BRF1: variants seen among roughly 807,000 people sequenced by gnomAD.
BRF1 encodes the protein BRF1 general transcription factor IIIB subunit, also known as transcription factor IIIB 90 kDa subunit.
A neutral mutation model predicts 81.7 loss-of-function variants in BRF1; 59 were observed. That is an observed-to-expected ratio of 0.72 (90% confidence interval 0.59 to 0.90). The LOEUF is 0.90. BRF1 is among the 40% of genes least tolerant of loss of function. The probability of loss-of-function intolerance (pLI) is 0.00; values close to 1 mark genes in which losing one functional copy is unlikely to be tolerated. For synonymous variants in BRF1, 491 were observed against 395.6 expected (o/e 1.24, Z -2.86); for missense variants, 1,050 against 936.3 (o/e 1.12, Z -1.58).
rs1889872697 is a variant in BRF1, at chr14:105,209,812, C to T, written c.*739G>A. 1 of 513,608 alleles carries T rather than the reference C, an allele frequency of 1.9e-6. No individual in the cohort carries two copies. The highest frequency in any genetic ancestry group is 3.4e-6 in the Non-Finnish European group (1 of 292,672). 31.8% of individuals were successfully genotyped at this position (513,608 alleles called of 1,614,324 possible). Reference sequence around the variant, plus strand: ...GGTCTCAGCTGTCGGGCACTCAGTTCACCTGCCGGCAGCCGCAGGGCTCCT... The same window carrying T: ...GGTCTCAGCTGTCGGGCACTCAGTTTACCTGCCGGCAGCCGCAGGGCTCCT... On this transcript the variant is annotated 3_prime_UTR_variant, in exon 18 of 18. Transcript: ENST00000547530.
chr14:105,305,027 G>A (rs2058146200), upstream of BRF1, among the ~76,000 whole-genome samples: 1 of 152,216 alleles, frequency 6.6e-6, no homozygotes, highest in Admixed American at 6.5e-5. Flanking sequence ...TTGCCCCAAG[G>A]CGATGGTTTT....
chr14:105,216,454 C>T (rs587678431), intron 15 of BRF1, among the ~76,000 whole-genome samples: 1 of 152,206 alleles, frequency 6.6e-6, no homozygotes, highest in South Asian at 2.1e-4. Context: ...TAGGAATGCA[C>T]CCCCAGAGGA....
At chr14:105,214,525 CGTGGCTCAGCTGCCCACACCCCTGA>C (rs1566795296) in intron 15 of BRF1, among the ~76,000 whole-genome samples, 5 of 58,386 alleles carry the variant, frequency 8.6e-5, no homozygotes, top group Non-Finnish European at 1.7e-4. Flanking sequence ...CACACCCCTG[CGTGGCTCAGCTGCCCACACCCCTGA>C]GTGGCCCAGC....
At chr14:105,213,730 C>T (rs968489024) in intron 15 of BRF1, among the ~76,000 whole-genome samples, 5 of 152,178 alleles carry the variant, frequency 3.3e-5, no homozygotes, top group Non-Finnish European at 7.3e-5. Flanking sequence ...TTTCCAGAAC[C>T]AGGAAGCAGC....
chr14:105,277,976 G>A (rs587672909), intron 2 of BRF1, among the ~76,000 whole-genome samples: 59 of 152,210 alleles, frequency 3.9e-4, no homozygotes, highest in African/African-American at 1.3e-3. Flanking sequence ...GGATGGTCTC[G>A]AACTCCTGAC....
chr14:105,298,050 T>G (rs587745840), intron 1 of BRF1, among the ~76,000 whole-genome samples: 47 of 152,326 alleles, frequency 3.1e-4, no homozygotes, highest in African/African-American at 1.1e-3. Context: ...TTTTTGAGTA[T>G]CAACACGATG....
chr14:105,301,146 G>A (rs979716261), upstream of BRF1: 5 of 152,908 alleles, frequency 3.3e-5, no homozygotes, highest in East Asian at 5.8e-4. Flanking sequence ...GGCTGGCGAC[G>A]GGACCCAAGG....
At chr14:105,279,241 G>T (rs1167387433) in intron 2 of BRF1, among the ~76,000 whole-genome samples, 1 of 152,096 alleles carries the variant, frequency 6.6e-6, no homozygotes, top group East Asian at 1.9e-4. Context: ...GTTTCTGTTC[G>T]TCAAAAGACA....
chr14:105,218,494 C>T (rs1225673339), intron 14 of BRF1, among the ~76,000 whole-genome samples: 2 of 152,198 alleles, frequency 1.3e-5, no homozygotes, highest in Non-Finnish European at 2.9e-5. Context: ...ACCCCAGTCT[C>T]GCAGGCAGGG....
At chr14:105,218,931 A>C in intron 14 of BRF1, 67 bp downstream of exon 14, 2 of 1,602,428 alleles carry the variant, frequency 1.2e-6, no homozygotes, top group African/African-American at 1.3e-5. Context: ...GGGACATTCC[A>C]GAGACATTTG....
At chr14:105,248,259 A>C in intron 5 of BRF1, 1 of 985,440 alleles carries the variant, frequency 1.0e-6, no homozygotes, top group Non-Finnish European at 1.2e-6. Flanking sequence ...CCGCGGCCAG[A>C]GGCAGACTCC....
At chr14:105,272,303 C>T (rs587596086) in intron 3 of BRF1, among the ~76,000 whole-genome samples, 1 of 152,350 alleles carries the variant, frequency 6.6e-6, no homozygotes, top group Non-Finnish European at 1.5e-5. Context: ...TCACGGTGTC[C>T]ACAGCTGCAG....
At chr14:105,243,611 AAGAG>A (rs1361972574) in intron 5 of BRF1, among the ~76,000 whole-genome samples, 3 of 151,678 alleles carry the variant, frequency 2.0e-5, no homozygotes, top group Non-Finnish European at 4.4e-5. Context: ...GAAAAAAAAA[AAGAG>A]AGAGAAAGAA....
rs1250556239 is a variant in BRF1 at position 105,211,138 on chromosome 14, C to T, written c.1980G>A (p.Gln660=). The T allele has an allele frequency of 4.3e-6, 7 of 1,612,716 alleles. No individual in the cohort carries two copies. Among genetic ancestry groups the T allele is most frequent in the Non-Finnish European group, 5.9e-6 (7 of 1,179,942 alleles). The change falls in exon 17 of 18, where the codon CAG becomes CAA. Residue 660 remains glutamine, a synonymous_variant. Coordinates refer to ENST00000547530, the MANE Select transcript of BRF1 (RefSeq NM_001519.4). ...CCCACCCACCGTTGCTGCCCATCAT[C>T]TGCAGGGCACTGACGCAGGGCTCCC... ...EDGEPCVSAL[Q]MMGSNDYGCD...
At chr14:105,212,213 C>T in intron 15 of BRF1, 49 bp from the exon 16 acceptor site, 1 of 1,586,250 alleles carries the variant, frequency 6.3e-7, no homozygotes, top group Non-Finnish European at 8.6e-7. Flanking sequence ...CTCCCGAACG[C>T]CTGCCCACTT....
chr14:105,309,367 A>C lies in BRF1; in HGVS notation c.-162+5955T>G, dbSNP rs1241438649. On this transcript the variant is annotated intron_variant, in intron 1 of 17. Coordinates refer to the BRF1 transcript ENST00000327359. This position sits in a 1 kb window ranked among gnomAD's most constrained non-coding sequence, Gnocchi z 4.0. ...CAATCACATATCTGAGAATTTCCCCATGTTGCTAAAACTGAGGCAGCGTTC... is the reference window on the plus strand; with the variant it reads ...CAATCACATATCTGAGAATTTCCCCCTGTTGCTAAAACTGAGGCAGCGTTC... Among the ~76,000 whole-genome samples the C allele has an allele frequency of 2.0e-5, 3 of 152,134 alleles. No homozygotes were observed. Among genetic ancestry groups the C allele is most frequent in the Admixed American group, 2.0e-4 (3 of 15,284 alleles).
intron 1 of BRF1, among the ~76,000 whole-genome samples, chr14:105,295,590 A>AGCAGGG (rs1028475782): frequency 6.6e-6 from 1 of 151,366 alleles, no homozygotes; most frequent in Non-Finnish European, 1.5e-5. Flanking sequence ...GTGACTGAGC[A>AGCAGGG]AGACCCTAGA....
In BRF1 at chr14:105,221,676, T is replaced by C. The variant is rs1056723180; in HGVS notation, c.1287A>G (p.Glu429=). 2 of 1,611,528 alleles carry C rather than the reference T, an allele frequency of 1.2e-6. No individual in the cohort carries two copies. Among genetic ancestry groups the C allele is most frequent in the Admixed American group, 1.7e-5 (1 of 59,948 alleles). ...ASLGISDSIR[E]CISSQSSDPK... The stretch of plus-strand genomic sequence containing the variant: ...GGTCGCTGCTCTGAGAGGAGATGCA[T>C]TCGCGGATGGAGTCTGAGATGCCCA... Residue 429 remains glutamate, a synonymous_variant, in exon 11 of 18, where the codon GAA becomes GAG. Transcript: ENST00000547530.
At chr14:105,311,011 G>A (rs2058338059) in intron 1 of BRF1, among the ~76,000 whole-genome samples, 1 of 152,176 alleles carries the variant, frequency 6.6e-6, no homozygotes, top group African/African-American at 2.4e-5. Context: ...GGAGTGCAGT[G>A]GCACAATCTT....
Sources: gnomAD v4.1 joint callset for allele counts (sites outside exome capture counted in the v4.1 genomes callset) on GRCh38, gnomAD v4.1.1 for gene constraint, Gnocchi (gnomAD v3.1) non-coding constraint, MANE v1.5 for transcripts, NCBI Gene and HGNC (gene_info 2026-07-23, HGNC 2026-07-21) for gene names.